SMIM14: variants seen among roughly 807,000 people sequenced by gnomAD.
SMIM14 encodes small integral membrane protein 14.
A neutral mutation model predicts 12.6 loss-of-function variants in SMIM14; 5 were observed. That is an observed-to-expected ratio of 0.40 (90% CI 0.21 to 0.83). SMIM14 has a LOEUF of 0.83. Ranked by LOEUF, SMIM14 falls within the 40% of genes least tolerant of loss-of-function variation. The probability of loss-of-function intolerance (pLI) is 0.37; values close to 1 mark genes in which losing one functional copy is unlikely to be tolerated. For missense variants in SMIM14, 86 were observed against 119.1 expected (o/e 0.72, Z 1.29); for synonymous variants, 30 against 40.1 (o/e 0.75, Z 0.95).
At position 39,631,666 on chromosome 4, in the gene SMIM14, A is replaced by AT. The variant is rs559796424; in HGVS notation, c.-36+7072_-36+7073insA. On this transcript the variant is annotated intron_variant, in intron 1 of 4. Transcript: ENST00000295958. ...AGAGCGAGACTCCGTCTCAAAAAAA[A>AT]AAAAAAATAAATATGTTAAAAGATA... is the stretch of plus-strand genomic sequence containing the variant. Among the ~76,000 whole-genome samples, 256 of 116,132 alleles carry AT rather than the reference A, an allele frequency of 2.2e-3. 3 individuals carry two copies. In the South Asian group the frequency reaches 0.026, roughly 12 times the overall value. The allele number at this position is 116,132 out of a possible 152,430, so 76.2% of individuals were successfully genotyped here.
In SMIM14 at chr4:39,572,435, T is replaced by G; in HGVS notation, c.104A>C (p.Asp35Ala). The G allele has an allele frequency of 6.2e-7, 1 of 1,611,772 alleles. No homozygotes were observed. The highest frequency in any genetic ancestry group is 8.5e-7 in the Non-Finnish European group (1 of 1,178,972). Reference sequence around the variant, plus strand: ...CTTACATTCCTGAAGACACTCTGTGTCTGTGCAGTAGGACTGGGACTGCCG... The same window carrying G: ...CTTACATTCCTGAAGACACTCTGTGGCTGTGCAGTAGGACTGGGACTGCCG... The part of the protein sequence containing the change: ...LLRQSQSYCT[D>A]TECLQELPGP... The change falls in exon 3 of 5, where the codon GAC becomes GCC. Residue 35 changes from aspartate to alanine, a missense_variant. Asp to Ala is a moderately radical substitution (Grantham distance 126, BLOSUM62 -2). Transcript: ENST00000295958.
At chr4:39,615,845 T>A (rs1233711025) in intron 1 of SMIM14, among the ~76,000 whole-genome samples, 4 of 152,206 alleles carry the variant, frequency 2.6e-5, no homozygotes, top group African/African-American at 9.7e-5. Flanking sequence ...AAAAGTGTTT[T>A]TACAAAGCTT....
At chr4:39,633,987 A>C in intron 1 of SMIM14, among the ~76,000 whole-genome samples, 1 of 152,302 alleles carries the variant, frequency 6.6e-6, no homozygotes, top group South Asian at 2.1e-4. Flanking sequence ...GCTGGAGTGC[A>C]GTGGCACAAT....
chr4:39,611,870 A>G (rs1715048737), intron 1 of SMIM14: 1 of 152,242 alleles, frequency 6.6e-6, no homozygotes, highest in Non-Finnish European at 1.5e-5. Flanking sequence ...AGATTTCTAC[A>G]TGGTGATTTG....
chr4:39,607,693 T>A (rs933776281), intron 1 of SMIM14, among the ~76,000 whole-genome samples: 1 of 152,188 alleles, frequency 6.6e-6, no homozygotes, highest in Non-Finnish European at 1.5e-5. Flanking sequence ...AAATGTTTTT[T>A]AAATTATAAA....
intron 2 of SMIM14, among the ~76,000 whole-genome samples, chr4:39,599,248 G>C (rs1714499843): frequency 6.6e-6 from 1 of 152,136 alleles, no homozygotes; most frequent in Non-Finnish European, 1.5e-5. Flanking sequence ...ACAGCAAGGG[G>C]GCCAGAATTG....
At chr4:39,615,235 C>T (rs766631037) in intron 1 of SMIM14, among the ~76,000 whole-genome samples, 1 of 151,932 alleles carries the variant, frequency 6.6e-6, no homozygotes, top group Non-Finnish European at 1.5e-5. Context: ...ACCTCCGGCC[C>T]GAATGTAAGA....
chr4:39,577,969 G>A (rs183410138), intron 2 of SMIM14, among the ~76,000 whole-genome samples: 66 of 152,230 alleles, frequency 4.3e-4, no homozygotes, highest in Non-Finnish European at 8.4e-4. Context: ...ATGAAATGCC[G>A]AAGTACCACA....
chr4:39,582,903 G>A (rs570516399), intron 2 of SMIM14, among the ~76,000 whole-genome samples: 15 of 151,748 alleles, frequency 9.9e-5, no homozygotes, highest in South Asian at 4.2e-4. Flanking sequence ...CAAAATTCTC[G>A]TGCCTCAGCC....
intron 2 of SMIM14, among the ~76,000 whole-genome samples, chr4:39,574,242 T>TC (rs1713047732): frequency 6.9e-6 from 1 of 144,008 alleles, no homozygotes; most frequent in Non-Finnish European, 1.5e-5. Context: ...ACTTTCTTTT[T>TC]TTTTTTTTTT....
chr4:39,618,026 C>T (rs911858040), intron 1 of SMIM14, among the ~76,000 whole-genome samples: 5 of 152,046 alleles, frequency 3.3e-5, no homozygotes, highest in South Asian at 2.1e-4. Context: ...AGATGACAAA[C>T]GGAAAAAATG....
At chr4:39,593,862 G>T (rs906958433) in intron 2 of SMIM14, 14 of 152,100 alleles carry the variant, frequency 9.2e-5, no homozygotes, top group Admixed American at 5.2e-4. Flanking sequence ...GAAGGACCTC[G>T]TCAAGGAGAA....
intron 2 of SMIM14, among the ~76,000 whole-genome samples, chr4:39,588,502 G>C (rs1441992839): frequency 6.6e-6 from 1 of 151,980 alleles, no homozygotes; most frequent in Admixed American, 6.6e-5. Context: ...CCTGCATATT[G>C]ATTTAAAAAA....
intron 1 of SMIM14, among the ~76,000 whole-genome samples, chr4:39,620,594 C>T (rs1174752584): frequency 6.6e-6 from 1 of 152,158 alleles, no homozygotes; most frequent in Non-Finnish European, 1.5e-5. Flanking sequence ...CTCAGCCTCC[C>T]AAAGTGCTGG....
chr4:39,637,921 TC>T (rs1716160745), intron 1 of SMIM14, among the ~76,000 whole-genome samples: 1 of 152,170 alleles, frequency 6.6e-6, no homozygotes, highest in Non-Finnish European at 1.5e-5. Context: ...GTGAAGCTCA[TC>T]CGACTCTCTC....
chr4:39,566,088 G>A (rs1712557489), intron 3 of SMIM14, among the ~76,000 whole-genome samples: 2 of 151,254 alleles, frequency 1.3e-5, no homozygotes, highest in South Asian at 2.1e-4. Flanking sequence ...AATACAGACA[G>A]TTAAGAACCT....
intron 1 of SMIM14, among the ~76,000 whole-genome samples, chr4:39,615,529 T>G (rs1715187555): frequency 6.6e-6 from 1 of 152,116 alleles, no homozygotes; most frequent in African/African-American, 2.4e-5. Flanking sequence ...GGACTTTAGG[T>G]AACAATGACT....
chr4:39,572,528 A>C, intron 2 of SMIM14, 65 bp from the exon 3 acceptor site: 2 of 1,399,250 alleles, frequency 1.4e-6, no homozygotes, highest in Non-Finnish European at 2.0e-6. Context: ...TAATTATTAG[A>C]AAGATCATGT....
chr4:39,585,623 G>A (rs1713748624), intron 2 of SMIM14, among the ~76,000 whole-genome samples: 1 of 151,972 alleles, frequency 6.6e-6, no homozygotes. Context: ...AGAAAAGACA[G>A]AGAATTCCAA....
Sources: gnomAD v4.1 joint callset for allele counts (sites outside exome capture counted in the v4.1 genomes callset) on GRCh38, gnomAD v4.1.1 for gene constraint, MANE v1.5 for transcripts, NCBI Gene and HGNC (gene_info 2026-07-23, HGNC 2026-07-21) for gene names.